SIPA1L2: variants seen among roughly 807,000 people sequenced by gnomAD.
SIPA1L2 encodes the protein signal induced proliferation associated 1 like 2, also known as signal-induced proliferation-associated 1-like protein 2.
Under a neutral mutation model 163.9 loss-of-function variants are expected in SIPA1L2, and 56 were observed. The observed-to-expected ratio is 0.34, with a 90% confidence interval of 0.28 to 0.43. The LOEUF is 0.43. SIPA1L2 is among the 20% of genes least tolerant of loss of function. The pLI, the probability that SIPA1L2 is intolerant of heterozygous loss-of-function variation, is 1.00. For missense variants in SIPA1L2, 1,974 were observed against 2,193.5 expected (o/e 0.90, Z 2.00); for synonymous variants, 877 against 865.7 (o/e 1.01, Z -0.23).
At chr1:232,406,536 A>T (rs1354047719) in intron 19 of SIPA1L2, among the ~76,000 whole-genome samples, 1 of 152,268 alleles carries the variant, frequency 6.6e-6, no homozygotes, top group Non-Finnish European at 1.5e-5. Flanking sequence ...GATGACTGCA[A>T]GTCACTCCCA....
chr1:232,612,339 C>A (rs1483210384), intron 1 of SIPA1L2, among the ~76,000 whole-genome samples: 1 of 152,184 alleles, frequency 6.6e-6, no homozygotes, highest in African/African-American at 2.4e-5. Context: ...GGCCACTGTC[C>A]TCCAGACCCC....
chr1:232,398,513 T>C lies in SIPA1L2; in HGVS notation c.*614A>G, dbSNP rs1384069179. On this transcript the variant is annotated 3_prime_UTR_variant, in exon 23 of 23. Coordinates refer to ENST00000674635, the MANE Select transcript of SIPA1L2 (RefSeq NM_020808.5). ...CCATTTGTTCCTGCAAATAAATAAG[T>C]CTCTAAGGTAACTGCATCTGAACTA... 1 of 152,432 alleles carries C rather than the reference T, an allele frequency of 6.6e-6. No individual in the cohort carries two copies. The highest frequency in any genetic ancestry group is 1.5e-5 in the Non-Finnish European group (1 of 68,028). 9.4% of individuals were successfully genotyped at this position (152,432 alleles called of 1,614,324 possible).
rs1664789641 is a variant in SIPA1L2, at chr1:232,471,382, A to G, written c.2232T>C (p.Asn744=). 4 of 1,613,742 alleles carry G rather than the reference A, an allele frequency of 2.5e-6. No homozygotes were observed. The highest frequency in any genetic ancestry group is 3.4e-6 in the Non-Finnish European group (4 of 1,179,872). The part of the protein sequence containing the change: ...IVKVHNPCTE[N]VCYSVGVSRS... ...GATGACTGACTCACCTATAACACAC[A>G]TTTTCGGTACATGGATTATGCACTT... is the stretch of plus-strand genomic sequence containing the variant. Residue 744 remains asparagine (N), a synonymous_variant, in exon 8 of 23, where the codon AAT becomes AAC. Coordinates refer to ENST00000674635, the MANE Select transcript of SIPA1L2 (RefSeq NM_020808.5).
At chr1:232,462,432 G>A (rs1664289232) in intron 9 of SIPA1L2, 1 of 1,389,396 alleles carries the variant, frequency 7.2e-7, no homozygotes. Context: ...CTGTGGGACT[G>A]GGGCTGGTTC....
At position 232,404,238 on chromosome 1, in the gene SIPA1L2, C is replaced by T. The variant is rs569160094; in HGVS notation, c.4763-60G>A. ...AGTATCTCTCTATACTTGAGAATCT[C>T]GGGGGCCCACAAAATGCGGCTGTGT... On this transcript the variant is annotated intron_variant, in intron 19 of 22. Coordinates refer to ENST00000674635, the MANE Select transcript of SIPA1L2 (RefSeq NM_020808.5). 108 of 1,524,944 alleles carry T rather than the reference C, an allele frequency of 7.1e-5. No individual in the cohort carries two copies. The Middle Eastern group carries it at 1.5e-3, about 21-fold the overall frequency. The allele number at this position is 1,524,944 out of a possible 1,614,324, so 94.5% of individuals were successfully genotyped here. A position where few individuals can be genotyped will look rare whatever the true frequency, so the allele number is the denominator to read the frequency against.
chr1:232,402,625 C>T (rs1375209857), intron 21 of SIPA1L2, 152 bp from the exon 22 acceptor site: 2 of 578,754 alleles, frequency 3.5e-6, no homozygotes, highest in Non-Finnish European at 5.8e-6. Flanking sequence ...GTCCATATTG[C>T]TGATCTAGTG....
intron 2 of SIPA1L2, among the ~76,000 whole-genome samples, chr1:232,573,443 G>A (rs991862443): frequency 3.3e-5 from 5 of 152,186 alleles, no homozygotes; most frequent in African/African-American, 1.2e-4. Context: ...GCGTGCATGT[G>A]CCATGTGCCT....
At chr1:232,415,380 C>A (rs891326121) in intron 19 of SIPA1L2, 114 bp downstream of exon 19, 1 of 1,339,518 alleles carries the variant, frequency 7.5e-7, no homozygotes, top group Admixed American at 3.1e-5. Flanking sequence ...GCAAAACATT[C>A]AAAACTTTGA....
intron 2 of SIPA1L2, among the ~76,000 whole-genome samples, chr1:232,550,906 T>C (rs993641308): frequency 1.1e-4 from 16 of 152,244 alleles, no homozygotes; most frequent in African/African-American, 3.9e-4. Context: ...GTCAACTCAC[T>C]AGGTTCTGGC....
intron 19 of SIPA1L2, among the ~76,000 whole-genome samples, chr1:232,404,683 T>C (rs886571816): frequency 6.6e-6 from 1 of 152,196 alleles, no homozygotes; most frequent in Non-Finnish European, 1.5e-5. Flanking sequence ...GGGAATAGAA[T>C]AGTCTTAAGA....
chr1:232,497,614 T>G (rs1199187239), intron 3 of SIPA1L2, among the ~76,000 whole-genome samples: 4 of 152,206 alleles, frequency 2.6e-5, no homozygotes, highest in African/African-American at 9.7e-5. Flanking sequence ...CTGCCAGAGC[T>G]GTCTGCTATA....
chr1:232,503,339 A>G (rs1352557312), intron 3 of SIPA1L2, among the ~76,000 whole-genome samples: 1 of 152,224 alleles, frequency 6.6e-6, no homozygotes, highest in Non-Finnish European at 1.5e-5. Flanking sequence ...TTTAGCTCAC[A>G]GGGAAAAAAA....
chr1:232,461,445 G>T lies in SIPA1L2; in HGVS notation c.2821-284C>A, dbSNP rs1664230502. The stretch of plus-strand genomic sequence containing the variant: ...TAAGTCATATCTGTTCTTGATACAG[G>T]TGTCCTGCTTTCTTAGATGTCACTG... On this transcript the variant is annotated intron_variant, in intron 9 of 22. Transcript: ENST00000674635. Among the ~76,000 whole-genome samples the T allele has an allele frequency of 2.0e-5, 3 of 152,208 alleles. No individual in the cohort carries two copies. In the South Asian group the frequency reaches 6.2e-4, roughly 31 times the overall value.
chr1:232,543,713 T>C (rs947613627), intron 2 of SIPA1L2, among the ~76,000 whole-genome samples: 9 of 151,948 alleles, frequency 5.9e-5, no homozygotes, highest in African/African-American at 2.2e-4. Context: ...ACAAAAAGTT[T>C]TAAAAATTGG....
chr1:232,611,514 T>C (rs2102874540), intron 1 of SIPA1L2, among the ~76,000 whole-genome samples: 2 of 152,276 alleles, frequency 1.3e-5, no homozygotes, highest in Admixed American at 1.3e-4. Flanking sequence ...GCTGAAGCGA[T>C]CTCAAAGGAA....
intron 3 of SIPA1L2, among the ~76,000 whole-genome samples, chr1:232,507,642 A>G (rs942322885): frequency 2.6e-5 from 4 of 152,236 alleles, no homozygotes; most frequent in African/African-American, 9.6e-5. Flanking sequence ...CTACAAGGGG[A>G]CAGGAAATTA....
In SIPA1L2 at chr1:232,627,922, T is replaced by C. The variant is rs1382805869; in HGVS notation, c.-319+1947A>G. On this transcript the variant is annotated intron_variant, in intron 1 of 22. Coordinates refer to ENST00000674635, the MANE Select transcript of SIPA1L2 (RefSeq NM_020808.5). ...CTTCCCAGATGTTTGCTCTGTAGTT[T>C]TTCTTCTTTTTCCTTCAGCTATTTA... Among the ~76,000 whole-genome samples the C allele has an allele frequency of 3.3e-5, 5 of 152,220 alleles. No individual in the cohort carries two copies. In the East Asian group the frequency reaches 9.6e-4, roughly 29 times the overall value.
chr1:232,560,192 G>A (rs1312696488), intron 2 of SIPA1L2, among the ~76,000 whole-genome samples: 1 of 152,110 alleles, frequency 6.6e-6, no homozygotes, highest in Non-Finnish European at 1.5e-5. Flanking sequence ...GTGGTAGCAT[G>A]GCAGCCAGCA....
At chr1:232,529,525 G>A (rs1300463325) in intron 2 of SIPA1L2, among the ~76,000 whole-genome samples, 2 of 152,178 alleles carry the variant, frequency 1.3e-5, no homozygotes, top group African/African-American at 4.8e-5. Flanking sequence ...CACCCTTGAG[G>A]AGCATGGGCT....
Sources: allele counts gnomAD v4.1 joint callset (sites outside exome capture counted in the v4.1 genomes callset), GRCh38; gene constraint gnomAD v4.1.1; transcripts MANE v1.5; gene names NCBI Gene and HGNC (gene_info 2026-07-23, HGNC 2026-07-21).